The following TMEM132D variants were observed in gnomAD, a reference collection of about 807,000 sequenced individuals.
TMEM132D encodes mature OL transmembrane protein.
A neutral mutation model predicts 62.3 loss-of-function variants in TMEM132D; 21 were observed. The ratio of observed to expected loss-of-function variants is 0.34; its 90% CI spans 0.24 to 0.49. The LOEUF (loss-of-function observed/expected upper bound fraction) is 0.49. Ranked by LOEUF, TMEM132D falls within the 20% of genes least tolerant of loss-of-function variation. TMEM132D has a pLI of 0.99. For synonymous variants in TMEM132D, 621 were observed against 575.6 expected, an observed-to-expected ratio of 1.08 and a Z score of -1.13; for missense variants, 1,346 against 1,402.8, an observed-to-expected ratio of 0.96 and a Z score of 0.65.
intron 2 of TMEM132D, among the ~76,000 whole-genome samples, chr12:129,696,191 C>A (rs887189920): frequency 2.6e-5 from 4 of 152,196 alleles, no homozygotes; most frequent in Admixed American, 2.6e-4. Flanking sequence ...ATGCCAGGCT[C>A]ACTTCTGCCC....
At chr12:129,814,175 T>C (rs1330329598) in intron 1 of TMEM132D, among the ~76,000 whole-genome samples, 2 of 151,484 alleles carry the variant, frequency 1.3e-5, no homozygotes, top group South Asian at 2.1e-4. Context: ...AGCTAGAGAG[T>C]AGGTTGGATT....
At chr12:129,445,354 T>C (rs1271203957) in intron 3 of TMEM132D, among the ~76,000 whole-genome samples, 1 of 152,118 alleles carries the variant, frequency 6.6e-6, no homozygotes, top group East Asian at 1.9e-4. Flanking sequence ...AAATAACTAA[T>C]GGGTACTAGG....
chr12:129,183,962 A>G (rs1878148866), intron 5 of TMEM132D, among the ~76,000 whole-genome samples: 1 of 152,162 alleles, frequency 6.6e-6, no homozygotes, highest in African/African-American at 2.4e-5. Flanking sequence ...GTGCCTGTCC[A>G]TTGTTTCTTG....
intron 1 of TMEM132D, among the ~76,000 whole-genome samples, chr12:129,821,586 T>C (rs61942111): frequency 1.2e-3 from 176 of 152,254 alleles, no homozygotes; most frequent in Non-Finnish European, 1.3e-3. Context: ...CAAAAACCCA[T>C]TCGATCTGAA....
chr12:129,265,494 T>C (rs1880662084), intron 4 of TMEM132D, among the ~76,000 whole-genome samples: 1 of 152,118 alleles, frequency 6.6e-6, no homozygotes, highest in Admixed American at 6.5e-5. Context: ...AAGAACTGTC[T>C]GCACTTCCTC....
chr12:129,343,136 T>C (rs1372208291), intron 3 of TMEM132D, among the ~76,000 whole-genome samples: 2 of 152,196 alleles, frequency 1.3e-5, no homozygotes, highest in African/African-American at 2.4e-5. Context: ...TGTATGTTTA[T>C]TGCGGCACTA....
intron 4 of TMEM132D, among the ~76,000 whole-genome samples, chr12:129,255,562 T>C (rs988715644): frequency 2.0e-5 from 3 of 152,238 alleles, no homozygotes; most frequent in Admixed American, 6.5e-5. Flanking sequence ...TTAATGCAAT[T>C]ATGTTCTAAA....
At chr12:129,894,791 A>C (rs76784413) in intron 1 of TMEM132D, among the ~76,000 whole-genome samples, 177 of 151,908 alleles carry the variant, frequency 1.2e-3, no homozygotes, top group Non-Finnish European at 2.1e-3. Flanking sequence ...ACTCTTATTA[A>C]GCTTATTTTC....
intron 2 of TMEM132D, among the ~76,000 whole-genome samples, chr12:129,541,060 C>T (rs1279884707): frequency 6.6e-6 from 1 of 152,196 alleles, no homozygotes; most frequent in Non-Finnish European, 1.5e-5. Context: ...AGACAGAACG[C>T]ATGCATGCAC....
chr12:129,176,460 T>C (rs980455802), intron 5 of TMEM132D, among the ~76,000 whole-genome samples: 1 of 152,218 alleles, frequency 6.6e-6, no homozygotes, highest in African/African-American at 2.4e-5. Flanking sequence ...TAATTCTAGC[T>C]CCTGGAACTT....
At chr12:129,274,440 G>A (rs1308689156) in intron 4 of TMEM132D, among the ~76,000 whole-genome samples, 1 of 152,158 alleles carries the variant, frequency 6.6e-6, no homozygotes. Flanking sequence ...CTTTTACAGA[G>A]GTGGTATCAG....
chr12:129,572,680 C>A (rs1465508942), intron 2 of TMEM132D, among the ~76,000 whole-genome samples: 5 of 152,060 alleles, frequency 3.3e-5, no homozygotes, highest in African/African-American at 7.2e-5. Flanking sequence ...AACTCCTGAC[C>A]TCAGATGATC....
rs139054565 is a variant in TMEM132D, at chr12:129,769,515, G to A, written c.80-68817C>T. 4.4e-3 allele frequency among the ~76,000 whole-genome samples: 664 copies of A among 152,248 alleles called. 8 individuals carry two copies. Among genetic ancestry groups the A allele is most frequent in the African/African-American group, 0.015 (624 of 41,554 alleles). ...CTACAATTCAAGATAAGACTTGGGT[G>A]GGTACACAGCCAAACCGTATCAGTC... On this transcript the variant is annotated intron_variant, in intron 1 of 8. Coordinates refer to ENST00000422113, the MANE Select transcript of TMEM132D (RefSeq NM_133448.3).
chr12:129,265,935 T>A (rs1356881031), intron 4 of TMEM132D, among the ~76,000 whole-genome samples: 1 of 152,130 alleles, frequency 6.6e-6, no homozygotes, highest in Non-Finnish European at 1.5e-5. Context: ...CCAAGTATAA[T>A]ATAAGCACTG....
At chr12:129,891,691 A>G (rs1874929816) in intron 1 of TMEM132D, among the ~76,000 whole-genome samples, 1 of 152,236 alleles carries the variant, frequency 6.6e-6, no homozygotes, top group South Asian at 2.1e-4. Flanking sequence ...ATTATTTCTT[A>G]TAATAGTAGA....
chr12:129,820,881 G>A (rs1357358844), intron 1 of TMEM132D, among the ~76,000 whole-genome samples: 2 of 152,134 alleles, frequency 1.3e-5, no homozygotes, highest in Non-Finnish European at 2.9e-5. Context: ...GCACCAACAC[G>A]CCTGGCTGCC....
At chr12:129,447,761 C>T (rs1242544510) in intron 3 of TMEM132D, among the ~76,000 whole-genome samples, 2 of 152,162 alleles carry the variant, frequency 1.3e-5, no homozygotes, top group Non-Finnish European at 2.9e-5. Flanking sequence ...CACGGTCCTT[C>T]CGCAAACCAG....
chr12:129,669,737 T>C (rs199958923), intron 2 of TMEM132D, among the ~76,000 whole-genome samples: 12 of 9,922 alleles, frequency 1.2e-3, no homozygotes, highest in Non-Finnish European at 2.7e-3. Flanking sequence ...AATAAATAAA[T>C]AAACAAACAA....
chr12:129,476,978 G>C (rs1874280545), intron 3 of TMEM132D, among the ~76,000 whole-genome samples: 1 of 152,088 alleles, frequency 6.6e-6, no homozygotes. Flanking sequence ...TTTTATAAAG[G>C]ATAAACAACT....
Sources: allele counts gnomAD v4.1 joint callset (sites outside exome capture counted in the v4.1 genomes callset), GRCh38; gene constraint gnomAD v4.1.1; transcripts MANE v1.5; gene names NCBI Gene and HGNC (gene_info 2026-07-23, HGNC 2026-07-21).